NAALADL2: variants seen among roughly 807,000 people sequenced by gnomAD.
The protein encoded by NAALADL2 is N-acetylated alpha-linked acidic dipeptidase like 2.
A neutral mutation model predicts 87.2 loss-of-function variants in NAALADL2; 76 were observed. The observed-to-expected ratio is 0.87, with a 90% CI of 0.72 to 1.05. NAALADL2 has a LOEUF of 1.05. NAALADL2 is among the 50% of genes least tolerant of loss of function. The pLI, the probability that NAALADL2 is intolerant of heterozygous loss-of-function variation, is 0.00. For synonymous variants in NAALADL2, 354 were observed against 331.0 expected (o/e 1.07, Z -0.75); for missense variants, 1,089 against 945.8 (o/e 1.15, Z -1.99).
chr3:175,477,145 CA>C (rs1196634180), intron 9 of NAALADL2, among the ~76,000 whole-genome samples: 1 of 152,084 alleles, frequency 6.6e-6, no homozygotes, highest in Non-Finnish European at 1.5e-5. Context: ...TGCTGAGAAA[CA>C]AACAGCAGAT....
chr3:175,610,787 T>C (rs569192967), intron 10 of NAALADL2, among the ~76,000 whole-genome samples: 6 of 152,112 alleles, frequency 3.9e-5, no homozygotes, highest in African/African-American at 1.4e-4. Context: ...TCCACTAATA[T>C]AATAATAATA....
chr3:175,725,315 T>C (rs1583023786), intron 11 of NAALADL2, among the ~76,000 whole-genome samples: 1 of 152,102 alleles, frequency 6.6e-6, no homozygotes, highest in African/African-American at 2.4e-5. Flanking sequence ...ATTAATCTTT[T>C]AAAAATACAC....
intron 1 of NAALADL2, among the ~76,000 whole-genome samples, chr3:174,870,561 CTTG>C (rs1327355956): frequency 1.3e-5 from 2 of 151,108 alleles, no homozygotes; most frequent in African/African-American, 4.9e-5. Flanking sequence ...GTGTCATTAT[CTTG>C]TTATTATTAT....
intron 12 of NAALADL2, among the ~76,000 whole-genome samples, chr3:175,738,935 C>T (rs76098218): frequency 6.6e-6 from 1 of 151,976 alleles, no homozygotes; most frequent in African/African-American, 2.4e-5. Context: ...TTTTTTTAAA[C>T]AGTAATTTTA....
intron 2 of NAALADL2, among the ~76,000 whole-genome samples, chr3:175,168,605 C>T (rs1013289054): frequency 2.0e-5 from 3 of 151,352 alleles, no homozygotes; most frequent in African/African-American, 7.3e-5. Flanking sequence ...ATATTCAATT[C>T]TAAATTATTC....
At chr3:175,758,991 AT>A (rs1374890972) in intron 13 of NAALADL2, among the ~76,000 whole-genome samples, 13 of 152,320 alleles carry the variant, frequency 8.5e-5, no homozygotes, top group African/African-American at 1.2e-4. Context: ...TCCCAAAAAA[AT>A]ATCGTCTCAA....
At chr3:175,041,725 A>T (rs1754093523) in intron 1 of NAALADL2, among the ~76,000 whole-genome samples, 1 of 152,148 alleles carries the variant, frequency 6.6e-6, no homozygotes, top group African/African-American at 2.4e-5. Context: ...ATTTATAATT[A>T]TGGATGCACT....
At chr3:174,892,419 A>G (rs1275991817) in intron 1 of NAALADL2, among the ~76,000 whole-genome samples, 4 of 152,186 alleles carry the variant, frequency 2.6e-5, no homozygotes, top group Non-Finnish European at 5.9e-5. Context: ...GAACCAGTGT[A>G]TTTGAAAATA....
At chr3:175,745,701 A>G (rs1358442301) in intron 12 of NAALADL2, among the ~76,000 whole-genome samples, 1 of 152,174 alleles carries the variant, frequency 6.6e-6, no homozygotes, top group African/African-American at 2.4e-5. Context: ...TTAGAATGCA[A>G]TGGTACTAGT....
chr3:174,573,265 T>C (rs1715137516), intron 2 of NAALADL2, among the ~76,000 whole-genome samples: 1 of 152,090 alleles, frequency 6.6e-6, no homozygotes, highest in African/African-American at 2.4e-5. Flanking sequence ...TTCCTTTTCT[T>C]CTTATTTTTG....
chr3:175,193,075 A>T (rs1013829089), intron 2 of NAALADL2, among the ~76,000 whole-genome samples: 4 of 152,018 alleles, frequency 2.6e-5, no homozygotes, highest in Non-Finnish European at 5.9e-5. Flanking sequence ...ATGTTTTGAA[A>T]GTCGCCTGAC....
In NAALADL2 at chr3:175,012,000, G is replaced by A. The variant is rs1235965393; in HGVS notation, c.44-84790G>A. On this transcript the variant is annotated intron_variant, in intron 1 of 13. Transcript: ENST00000454872. ...TTCATTGCAAAAACCTAATCTTTAG[G>A]AAAAGCACAAGAGAAAGAATGTATG... Among the ~76,000 whole-genome samples the A allele has an allele frequency of 2.0e-5, 3 of 152,010 alleles. No homozygotes were observed. The South Asian group carries it at 6.2e-4, about 31-fold the overall frequency.
intron 2 of NAALADL2, among the ~76,000 whole-genome samples, chr3:174,584,771 G>A (rs1269253957): frequency 6.6e-6 from 1 of 152,042 alleles, no homozygotes; most frequent in East Asian, 1.9e-4. Flanking sequence ...GGATTCTGTT[G>A]TGTATAAATT....
intron 2 of NAALADL2, among the ~76,000 whole-genome samples, chr3:174,614,754 A>G (rs1720282997): frequency 6.6e-6 from 1 of 152,132 alleles, no homozygotes; most frequent in South Asian, 2.1e-4. Context: ...GAGGGTGATG[A>G]TAGGTGAAGC....
Position 175,807,828 on chromosome 3 carries a change from A to G in NAALADL2, c.*4625A>G, listed in dbSNP as rs1227945796. 1 of 151,944 alleles carries G rather than the reference A, an allele frequency of 6.6e-6. No homozygotes were observed. Among genetic ancestry groups the G allele is most frequent in the Non-Finnish European group, 1.5e-5 (1 of 67,910 alleles). 9.4% of individuals were successfully genotyped at this position (151,944 alleles called of 1,614,324 possible). On this transcript the variant is annotated 3_prime_UTR_variant, in exon 14 of 14. Transcript: ENST00000454872. ...AGAATTTGCTATTCGAAAAGACCTT[A>G]AAAACCCTCACAGAGTTCTAAACAT...
intron 5 of NAALADL2, among the ~76,000 whole-genome samples, chr3:175,338,022 T>G (rs1048985850): frequency 6.6e-6 from 1 of 152,002 alleles, no homozygotes; most frequent in South Asian, 2.1e-4. Flanking sequence ...CAGAACAAAC[T>G]GAACTTTCAC....
chr3:175,658,090 A>G (rs1286265017), intron 11 of NAALADL2, among the ~76,000 whole-genome samples: 1 of 152,122 alleles, frequency 6.6e-6, no homozygotes, highest in Non-Finnish European at 1.5e-5. Flanking sequence ...ATGACTGATC[A>G]TAATCATTTC....
intron 11 of NAALADL2, among the ~76,000 whole-genome samples, chr3:175,629,385 T>C (rs1022526244): frequency 1.3e-5 from 2 of 149,412 alleles, no homozygotes; most frequent in African/African-American, 4.9e-5. Flanking sequence ...AATATATATA[T>C]ATTTAAATGA....
intron 1 of NAALADL2, among the ~76,000 whole-genome samples, chr3:175,025,161 A>G (rs1752056207): frequency 6.6e-6 from 1 of 152,166 alleles, no homozygotes; most frequent in Non-Finnish European, 1.5e-5. Flanking sequence ...TTAGAGGAAC[A>G]TTAGTGGAGA....
Sources: allele counts gnomAD v4.1 joint callset (sites outside exome capture counted in the v4.1 genomes callset), GRCh38; gene constraint gnomAD v4.1.1; transcripts MANE v1.5; gene names NCBI Gene and HGNC (gene_info 2026-07-23, HGNC 2026-07-21).